ZNF236: variants seen among roughly 807,000 people sequenced by gnomAD.
ZNF236 encodes the protein regulated by glucose.
In ZNF236, 50 loss-of-function variants were observed where a neutral mutation model predicts 191.2. The ratio of observed to expected loss-of-function variants is 0.26; its 90% confidence interval spans 0.21 to 0.33. The LOEUF is 0.33. Among genes scored for constraint, ZNF236 ranks in the 10% least tolerant of loss-of-function variants. The pLI is 1.00. For missense variants in ZNF236, 1,754 were observed against 2,374.5 expected, an observed-to-expected ratio of 0.74 and a Z score of 5.43; for synonymous variants, 907 against 928.8, an observed-to-expected ratio of 0.98 and a Z score of 0.43.
chr18:76,882,213 C>G (rs913792792), intron 9 of ZNF236, among the ~76,000 whole-genome samples: 1 of 152,190 alleles, frequency 6.6e-6, no homozygotes, highest in Non-Finnish European at 1.5e-5. Flanking sequence ...TTCCTCTGGT[C>G]TCCGTCAAAT....
intron 30 of ZNF236, among the ~76,000 whole-genome samples, chr18:76,961,507 A>T (rs1447941108): frequency 6.6e-6 from 1 of 152,038 alleles, no homozygotes; most frequent in Admixed American, 6.5e-5. Flanking sequence ...GCTGCCATAA[A>T]CATGCGTGTG....
intron 1 of ZNF236, chr18:76,834,901 C>T (rs1429441653): frequency 1.1e-5 from 3 of 276,642 alleles, no homozygotes; most frequent in East Asian, 1.1e-4. Context: ...GGGCTGCTCC[C>T]GCTTCACTGA....
At position 76,880,035 on chromosome 18, in the gene ZNF236, T is replaced by TG. The variant is rs1976836584; in HGVS notation, c.985-77dup. On this transcript the variant is annotated intron_variant, in intron 7 of 30. Transcript: ENST00000320610. The surrounding 1 kb of genome is among the most constrained non-coding windows in gnomAD (Gnocchi z 5.0). ...TAACACCCTTAAGGAGGGTATTGCC[T>TG]GTTTTTTTTTTTTTAATTTTCCTTT... 2.6e-6 allele frequency: 2 copies of TG among 776,132 alleles called. No homozygotes were observed. Among genetic ancestry groups the TG allele is most frequent in the South Asian group, 1.7e-5 (1 of 58,136 alleles). The allele number at this position is 776,132 out of a possible 1,614,324, so 48.1% of individuals were successfully genotyped here.
chr18:76,844,989 G>C (rs912451294), intron 1 of ZNF236, among the ~76,000 whole-genome samples: 1 of 152,152 alleles, frequency 6.6e-6, no homozygotes, highest in African/African-American at 2.4e-5. Flanking sequence ...TTATTGGCAG[G>C]CCCTTGTCCT....
intron 28 of ZNF236, among the ~76,000 whole-genome samples, chr18:76,959,300 G>A (rs1446058485): frequency 6.6e-6 from 1 of 152,222 alleles, no homozygotes; most frequent in African/African-American, 2.4e-5. Flanking sequence ...GTGGACTCGT[G>A]TGTGAAACGG....
At chr18:76,949,745 G>A (rs1471163722) in intron 27 of ZNF236, among the ~76,000 whole-genome samples, 23 of 149,110 alleles carry the variant, frequency 1.5e-4, no homozygotes, top group African/African-American at 5.4e-4. Context: ...TGCAACCTCC[G>A]CCTCCTGGGT....
chr18:76,829,371 AG>A (rs1975103205), intron 1 of ZNF236, among the ~76,000 whole-genome samples: 1 of 147,242 alleles, frequency 6.8e-6, no homozygotes, highest in Non-Finnish European at 1.5e-5. Context: ...TCTGTCGCCC[AG>A]GCTGGAGTGC....
intron 26 of ZNF236, among the ~76,000 whole-genome samples, chr18:76,940,602 C>T (rs1968113545): frequency 6.6e-6 from 1 of 152,068 alleles, no homozygotes; most frequent in Non-Finnish European, 1.5e-5. Context: ...GAGAAAAACC[C>T]AGAAAGGCAT....
rs1967741575 is a variant in ZNF236 at position 76,927,660 on chromosome 18, A to G, written c.4414+143A>G. 1 of 1,183,596 alleles carries G rather than the reference A, an allele frequency of 8.4e-7. No homozygotes were observed. The allele number at this position is 1,183,596 out of a possible 1,614,324, so 73.3% of individuals were successfully genotyped here. On this transcript the variant is annotated intron_variant, in intron 24 of 30. Transcript: ENST00000320610. This position sits in a 1 kb window ranked among gnomAD's most constrained non-coding sequence, Gnocchi z 5.4. ...AAATCAAATGTCCTGAGAATAAAATAAGCTTTTCTTACAATTAATGATATG... is the reference window on the plus strand; with the variant it reads ...AAATCAAATGTCCTGAGAATAAAATGAGCTTTTCTTACAATTAATGATATG...
chr18:76,958,577 C>T (rs1968582076), intron 28 of ZNF236, among the ~76,000 whole-genome samples: 2 of 152,220 alleles, frequency 1.3e-5, no homozygotes, highest in African/African-American at 4.8e-5. Context: ...CGGCTCCATC[C>T]TCAGGAAGCT....
Sources: gnomAD v4.1 joint callset for allele counts (sites outside exome capture counted in the v4.1 genomes callset) on GRCh38, gnomAD v4.1.1 for gene constraint, Gnocchi (gnomAD v3.1) non-coding constraint, MANE v1.5 for transcripts, NCBI Gene and HGNC (gene_info 2026-07-23, HGNC 2026-07-21) for gene names.